The following PDE3B variants were observed in gnomAD, a reference collection of about 807,000 sequenced individuals.
PDE3B encodes the protein cGMP-inhibited 3',5'-cyclic phosphodiesterase 3B.
PDE3B carries 66 observed loss-of-function variants against 116.8 expected under a neutral mutation model. The ratio of observed to expected loss-of-function variants is 0.56; its 90% CI spans 0.46 to 0.69. The LOEUF (loss-of-function observed/expected upper bound fraction) is 0.69, where lower values mean the gene tolerates loss of function less well. PDE3B is among the 30% of genes least tolerant of loss of function. The pLI is 0.00. For synonymous variants in PDE3B, 595 were observed against 533.6 expected (o/e 1.12, Z -1.59); for missense variants, 1,384 against 1,368.1 (o/e 1.01, Z -0.18).
At chr11:14,827,427 G>C (rs7118016) in intron 7 of PDE3B, among the ~76,000 whole-genome samples, 18,436 of 152,008 alleles carry the variant, frequency 0.12, 1,435 homozygotes, top group African/African-American at 0.23. Context: ...CCGAAGTCTC[G>C]GCCCGAAAGC....
At chr11:14,773,407 G>A (rs1041069469) in intron 2 of PDE3B, 8 of 151,950 alleles carry the variant, frequency 5.3e-5, no homozygotes, top group African/African-American at 9.7e-5. Context: ...GAGAGTGTTG[G>A]CCTATAAATT....
chr11:14,706,933 C>T (rs1855551560), intron 1 of PDE3B, among the ~76,000 whole-genome samples: 1 of 151,878 alleles, frequency 6.6e-6, no homozygotes, highest in Non-Finnish European at 1.5e-5. Flanking sequence ...CCCCCTTACT[C>T]TGTTATCTAG....
chr11:14,879,299 G>A, the PDE3B span: 1 of 1,613,238 alleles, frequency 6.2e-7, no homozygotes, highest in Non-Finnish European at 8.5e-7. Context: ...TTCAGAGGTT[G>A]CATGGAAAAT....
At chr11:14,675,181 T>G (rs1004044990) in intron 1 of PDE3B, among the ~76,000 whole-genome samples, 5 of 152,206 alleles carry the variant, frequency 3.3e-5, no homozygotes, top group Non-Finnish European at 4.4e-5. Context: ...TAGAACCTTT[T>G]AGGCCTTAAG....
At position 14,694,536 on chromosome 11, in the gene PDE3B, A is replaced by G. The variant is rs183571573; in HGVS notation, c.978+49483A>G. Among the ~76,000 whole-genome samples, 7 of 152,302 alleles carry G rather than the reference A, an allele frequency of 4.6e-5. No homozygotes were observed. In the East Asian group the frequency reaches 1.3e-3, roughly 29 times the overall value. On this transcript the variant is annotated intron_variant, in intron 1 of 15. Coordinates refer to ENST00000282096, the MANE Select transcript of PDE3B (RefSeq NM_000922.4). ...GCTGAAGGCTTAGATGATCATTAAC[A>G]TTTTTTAGCAATAGAGTATTTTTAG... is the stretch of plus-strand genomic sequence containing the variant.
At chr11:14,862,128 T>G (rs1164632085) in intron 14 of PDE3B, among the ~76,000 whole-genome samples, 4 of 152,222 alleles carry the variant, frequency 2.6e-5, no homozygotes, top group African/African-American at 9.6e-5. Flanking sequence ...AGGAAGCTGC[T>G]GATCACCAGT....
intron 1 of PDE3B, among the ~76,000 whole-genome samples, chr11:14,723,935 A>G (rs1856202533): frequency 6.6e-6 from 1 of 152,192 alleles, no homozygotes; most frequent in Non-Finnish European, 1.5e-5. Flanking sequence ...TTGGAAGGTG[A>G]TGTTTTATTC....
Position 14,871,531 on chromosome 11 carries a change from T to C in PDE3B, c.*1871T>C, listed in dbSNP as rs1555009101. The C allele has an allele frequency of 6.6e-6, 1 of 151,958 alleles. No individual in the cohort carries two copies. Among genetic ancestry groups the C allele is most frequent in the Non-Finnish European group, 1.5e-5 (1 of 67,926 alleles). 9.4% of individuals were successfully genotyped at this position (151,958 alleles called of 1,614,324 possible). On this transcript the variant is annotated 3_prime_UTR_variant, in exon 16 of 16. Transcript: ENST00000282096. Reference sequence around the variant, plus strand: ...TACAAGCATGCATATTGAGATTGAATCACATTTCCATACTGTCTGTTATTT... The same window carrying C: ...TACAAGCATGCATATTGAGATTGAACCACATTTCCATACTGTCTGTTATTT...
At chr11:14,843,442 T>C (rs1472906101) in intron 11 of PDE3B, among the ~76,000 whole-genome samples, 3 of 152,224 alleles carry the variant, frequency 2.0e-5, no homozygotes, top group Admixed American at 6.5e-5. Context: ...TGTAATGTTT[T>C]CATCAAATTT....
At chr11:14,822,347 G>A in intron 7 of PDE3B, among the ~76,000 whole-genome samples, 1 of 152,224 alleles carries the variant, frequency 6.6e-6, no homozygotes, top group East Asian at 1.9e-4. Context: ...GTGCACTGCT[G>A]TCATGGAGAG....
the PDE3B span, chr11:14,878,355 A>G: frequency 1.3e-6 from 2 of 1,506,696 alleles, no homozygotes; most frequent in Middle Eastern, 1.8e-4. Context: ...ACCAAAATTA[A>G]TGTCTAATAT....
chr11:14,791,383 C>T (rs1858385004), intron 4 of PDE3B, among the ~76,000 whole-genome samples: 1 of 151,994 alleles, frequency 6.6e-6, no homozygotes. Context: ...TACCAGGTTT[C>T]TCATCATTCC....
At chr11:14,706,582 T>C (rs1338767501) in intron 1 of PDE3B, among the ~76,000 whole-genome samples, 1 of 151,958 alleles carries the variant, frequency 6.6e-6, no homozygotes, top group Non-Finnish European at 1.5e-5. Context: ...TGAAATTTCT[T>C]CCACATCTGA....
the PDE3B span, among the ~76,000 whole-genome samples, chr11:14,892,771 TC>T: frequency 6.6e-6 from 1 of 152,252 alleles, no homozygotes; most frequent in Admixed American, 6.5e-5. Context: ...TTGTGTGTGA[TC>T]TTTTAATAAT....
chr11:14,861,390 G>A, intron 14 of PDE3B, 24 bp downstream of exon 14: 1 of 1,607,778 alleles, frequency 6.2e-7, no homozygotes, highest in South Asian at 1.1e-5. Context: ...TGAGCTTGGT[G>A]GGATTTTTAA....
chr11:14,817,004 A>T (rs980291206), intron 5 of PDE3B, among the ~76,000 whole-genome samples: 2 of 152,220 alleles, frequency 1.3e-5, no homozygotes, highest in African/African-American at 4.8e-5. Context: ...TTATTGCGGC[A>T]CTATTCACAG....
At chr11:14,829,610 T>C (rs189635986) in intron 7 of PDE3B, among the ~76,000 whole-genome samples, 3 of 151,958 alleles carry the variant, frequency 2.0e-5, no homozygotes, top group East Asian at 3.9e-4. Flanking sequence ...GAAAACCAAA[T>C]ACTGTCACTT....
chr11:14,879,502 T>A, the PDE3B span: 1 of 1,340,042 alleles, frequency 7.5e-7, no homozygotes, highest in Non-Finnish European at 1.0e-6. Flanking sequence ...CCTAAAGTTA[T>A]TTCCCTCTGG....
chr11:14,696,690 ATT>A (rs1483465689), intron 1 of PDE3B, among the ~76,000 whole-genome samples: 7 of 151,996 alleles, frequency 4.6e-5, no homozygotes, highest in African/African-American at 1.7e-4. Context: ...TATATTATGT[ATT>A]TTATATACAA....
Sources: gnomAD v4.1 joint callset for allele counts (sites outside exome capture counted in the v4.1 genomes callset) on GRCh38, gnomAD v4.1.1 for gene constraint, MANE v1.5 for transcripts, NCBI Gene and HGNC (gene_info 2026-07-23, HGNC 2026-07-21) for gene names.